The following CTNNA3 variants were observed in gnomAD, a reference collection of about 807,000 sequenced individuals.
The protein encoded by CTNNA3 is catenin alpha 3, also known as catenin alpha-3.
In CTNNA3, 76 loss-of-function variants were observed where a neutral mutation model predicts 95.7. The observed-to-expected ratio is 0.79, with a 90% CI of 0.66 to 0.96. CTNNA3 has a LOEUF of 0.96. Among genes scored for constraint, CTNNA3 ranks in the 40% least tolerant of loss-of-function variants. CTNNA3 has a pLI of 0.00. For missense variants in CTNNA3, 1,191 were observed against 1,089.8 expected (o/e 1.09, Z -1.31); for synonymous variants, 431 against 374.4 (o/e 1.15, Z -1.74).
intron 11 of CTNNA3, among the ~76,000 whole-genome samples, chr10:66,460,126 A>G (rs1023014614): frequency 5.9e-5 from 9 of 152,072 alleles, no homozygotes; most frequent in Non-Finnish European, 5.9e-5. Flanking sequence ...TTTTCCATAG[A>G]TCTATTTGAT....
chr10:66,174,646 G>T (rs555433530), intron 13 of CTNNA3, among the ~76,000 whole-genome samples: 3 of 152,028 alleles, frequency 2.0e-5, no homozygotes, highest in South Asian at 4.2e-4. Context: ...AAACCTGATA[G>T]GATTCGATAG....
At chr10:65,966,528 G>T (rs2077969002) in intron 17 of CTNNA3, 84 bp downstream of exon 17, 2 of 1,164,118 alleles carry the variant, frequency 1.7e-6, no homozygotes, top group Admixed American at 5.4e-5. Flanking sequence ...TTACCTAAAA[G>T]ATTTGGTCAT....
At chr10:66,048,463 A>G (rs1041472772) in intron 15 of CTNNA3, among the ~76,000 whole-genome samples, 1 of 152,184 alleles carries the variant, frequency 6.6e-6, no homozygotes, top group Non-Finnish European at 1.5e-5. Context: ...TATACCACAT[A>G]CAAAAATCAA....
intron 7 of CTNNA3, among the ~76,000 whole-genome samples, chr10:67,109,273 T>C (rs1011016462): frequency 1.3e-5 from 2 of 152,186 alleles, no homozygotes; most frequent in Non-Finnish European, 2.9e-5. Flanking sequence ...AAAAAATTAC[T>C]AAGGTGGTGA....
At chr10:67,148,570 T>C (rs934003855) in intron 7 of CTNNA3, among the ~76,000 whole-genome samples, 5 of 152,200 alleles carry the variant, frequency 3.3e-5, no homozygotes, top group African/African-American at 1.2e-4. Flanking sequence ...TTACTGTAAT[T>C]CCTTCTTCAG....
intron 13 of CTNNA3, among the ~76,000 whole-genome samples, chr10:66,267,932 C>T (rs2091193643): frequency 6.6e-6 from 1 of 152,002 alleles, no homozygotes; most frequent in African/African-American, 2.4e-5. Flanking sequence ...ACTAATTATA[C>T]CTCTAAATCT....
intron 13 of CTNNA3, among the ~76,000 whole-genome samples, chr10:66,145,317 A>G (rs886617295): frequency 6.6e-6 from 1 of 152,146 alleles, no homozygotes; most frequent in African/African-American, 2.4e-5. Flanking sequence ...CATTAGCACC[A>G]TATCATGTAC....
At chr10:66,633,677 C>T (rs1227390631) in intron 9 of CTNNA3, among the ~76,000 whole-genome samples, 1 of 150,286 alleles carries the variant, frequency 6.7e-6, no homozygotes, top group Non-Finnish European at 1.5e-5. Context: ...AAGACTCCAT[C>T]TCAAAAAAAA....
At chr10:67,125,022 C>T (rs1453658534) in intron 7 of CTNNA3, among the ~76,000 whole-genome samples, 1 of 152,210 alleles carries the variant, frequency 6.6e-6, no homozygotes, top group African/African-American at 2.4e-5. Flanking sequence ...ATGACCAGAG[C>T]TCTGCTGGAA....
chr10:66,407,735 C>T (rs2093069476), intron 11 of CTNNA3, among the ~76,000 whole-genome samples: 1 of 152,074 alleles, frequency 6.6e-6, no homozygotes, highest in South Asian at 2.1e-4. Flanking sequence ...TGCCCACCAC[C>T]ATGCTTGGCT....
At chr10:67,637,587 G>A (rs1012932714) in intron 2 of CTNNA3, among the ~76,000 whole-genome samples, 2 of 152,178 alleles carry the variant, frequency 1.3e-5, no homozygotes, top group African/African-American at 4.8e-5. Flanking sequence ...TTGAAATGAA[G>A]GAAAAAATGG....
chr10:66,973,419 A>T (rs1849835779), intron 7 of CTNNA3, among the ~76,000 whole-genome samples: 1 of 152,210 alleles, frequency 6.6e-6, no homozygotes, highest in Non-Finnish European at 1.5e-5. Context: ...TCTGAACTAA[A>T]TTGAACAATA....
At chr10:67,377,226 G>A (rs1234493160) in intron 5 of CTNNA3, among the ~76,000 whole-genome samples, 5 of 152,208 alleles carry the variant, frequency 3.3e-5, no homozygotes, top group African/African-American at 1.2e-4. Context: ...TTTAACCTCT[G>A]AGATTGCTGT....
intron 17 of CTNNA3, among the ~76,000 whole-genome samples, chr10:65,933,964 C>T (rs1308411104): frequency 6.6e-6 from 1 of 152,114 alleles, no homozygotes; most frequent in African/African-American, 2.4e-5. Context: ...AGAGAATGCT[C>T]AGTCTCTTAC....
At chr10:66,562,846 A>G (rs1842594683) in intron 10 of CTNNA3, among the ~76,000 whole-genome samples, 1 of 152,116 alleles carries the variant, frequency 6.6e-6, no homozygotes, top group Non-Finnish European at 1.5e-5. Context: ...ATATCTTTAT[A>G]CTATTTGTTC....
intron 5 of CTNNA3, among the ~76,000 whole-genome samples, chr10:67,250,357 A>G (rs1866058557): frequency 1.3e-5 from 2 of 152,222 alleles, no homozygotes; most frequent in South Asian, 4.1e-4. Flanking sequence ...CTGGGACTAC[A>G]GGTGCCTGCC....
chr10:67,162,407 T>C (rs1164711668), intron 7 of CTNNA3, among the ~76,000 whole-genome samples: 1 of 118,322 alleles, frequency 8.5e-6, no homozygotes, highest in Non-Finnish European at 1.5e-5. Context: ...CCTCAATATA[T>C]GTAAAAAAAA....
intron 13 of CTNNA3, among the ~76,000 whole-genome samples, chr10:66,104,237 C>T (rs766434059): frequency 2.0e-5 from 3 of 152,118 alleles, no homozygotes; most frequent in Non-Finnish European, 4.4e-5. Context: ...GGATTCCCTG[C>T]CAAGTGTTTC....
chr10:66,744,126 G>A (rs1224376155), intron 9 of CTNNA3, among the ~76,000 whole-genome samples: 1 of 152,038 alleles, frequency 6.6e-6, no homozygotes, highest in Non-Finnish European at 1.5e-5. Context: ...TCAGACCTAT[G>A]AGCTTCTAAA....
Sources: allele counts gnomAD v4.1 joint callset (sites outside exome capture counted in the v4.1 genomes callset), GRCh38; gene constraint gnomAD v4.1.1; transcripts MANE v1.5; gene names NCBI Gene and HGNC (gene_info 2026-07-23, HGNC 2026-07-21).